DNM2: variants seen among roughly 807,000 people sequenced by gnomAD.
The protein encoded by DNM2 is dynamin-2.
Under a neutral mutation model 99.0 loss-of-function variants are expected in DNM2, and 15 were observed. The observed-to-expected ratio is 0.15, with a 90% CI of 0.10 to 0.23. DNM2 has a LOEUF of 0.23. Among genes scored for constraint, DNM2 ranks in the 10% least tolerant of loss-of-function variants. The probability of loss-of-function intolerance (pLI) is 1.00; values close to 1 mark genes in which losing one functional copy is unlikely to be tolerated. For synonymous variants in DNM2, 525 were observed against 481.2 expected, an observed-to-expected ratio of 1.09 and a Z score of -1.19; for missense variants, 742 against 1,189.4, an observed-to-expected ratio of 0.62 and a Z score of 5.53.
intron 5 of DNM2, among the ~76,000 whole-genome samples, chr19:10,782,513 C>A (rs1237707191): frequency 6.6e-6 from 1 of 152,104 alleles, no homozygotes; most frequent in Non-Finnish European, 1.5e-5. Context: ...CACGCGCCAC[C>A]ATGCACGGCT....
At chr19:10,778,011 T>C (rs1320515172) in intron 5 of DNM2, among the ~76,000 whole-genome samples, 2 of 140,366 alleles carry the variant, frequency 1.4e-5, no homozygotes, top group African/African-American at 5.3e-5. Context: ...GAATATTTTA[T>C]TTTTTCATTT....
rs2072774673 is a variant in DNM2 at position 10,817,193 on chromosome 19, CAA to C, written c.1672-2786_1672-2785del. On this transcript the variant is annotated intron_variant, in intron 15 of 20. Coordinates refer to ENST00000389253, the MANE Select transcript of DNM2 (RefSeq NM_001005361.3). This position sits in a 1 kb window ranked among gnomAD's most constrained non-coding sequence, Gnocchi z 4.6. ...AATATCTCTTTATTTAAAAAATAAA[CAA>C]GACATTTACAGCCATGGGGTGGGGA... 6.6e-6 allele frequency among the ~76,000 whole-genome samples: 1 copy of C among 152,186 alleles called. No individual in the cohort carries two copies. The highest frequency in any genetic ancestry group is 6.5e-5 in the Admixed American group (1 of 15,284).
chr19:10,821,731 A>G lies in DNM2; in HGVS notation c.1781+1642A>G, dbSNP rs148896294. ...TTTTTAGTAGAGACGGGGTTTCTCC[A>G]TATTGGTCAGGCTGGGCTCGAACTC... is the stretch of plus-strand genomic sequence containing the variant. On this transcript the variant is annotated intron_variant, in intron 16 of 20. Coordinates refer to ENST00000389253, the MANE Select transcript of DNM2 (RefSeq NM_001005361.3). 8.4e-3 allele frequency among the ~76,000 whole-genome samples: 1,275 copies of G among 152,190 alleles called. 11 individuals are homozygous for G. Among genetic ancestry groups the G allele is most frequent in the African/African-American group, 0.029 (1,225 of 41,532 alleles).
rs2071931947 is a variant in DNM2 at position 10,796,322 on chromosome 19, T to C, written c.1196+883T>C. On this transcript the variant is annotated intron_variant, in intron 9 of 20. Coordinates refer to ENST00000389253, the MANE Select transcript of DNM2 (RefSeq NM_001005361.3). This position sits in a 1 kb window ranked among gnomAD's most constrained non-coding sequence, Gnocchi z 5.6. ...CCTTTTCTCCCCATATCGCTTTGTG[T>C]CCGTGAACTTGGCCTCTCCCCAGAG... 2 of 1,465,326 alleles carry C rather than the reference T, an allele frequency of 1.4e-6. No homozygotes were observed. The highest frequency in any genetic ancestry group is 1.9e-6 in the Non-Finnish European group (2 of 1,059,400). 90.8% of individuals were successfully genotyped at this position (1,465,326 alleles called of 1,614,324 possible). A position where few individuals can be genotyped will look rare whatever the true frequency, so the allele number is the denominator to read the frequency against.
At position 10,795,914 on chromosome 19, in the gene DNM2, T is replaced by C. The variant is rs564776623; in HGVS notation, c.1196+475T>C. The C allele has an allele frequency of 2.9e-6, 4 of 1,367,054 alleles. No individual in the cohort carries two copies. In the African/African-American group the frequency reaches 4.3e-5, roughly 15 times the overall value. 84.7% of individuals were successfully genotyped at this position (1,367,054 alleles called of 1,614,324 possible). A position where few individuals can be genotyped will look rare whatever the true frequency, so the allele number is the denominator to read the frequency against. The stretch of plus-strand genomic sequence containing the variant: ...GGGTCCTCGGGTCACCCTGAGGGTT[T>C]CCGGGCAGTGGACTCAGGCATCCGA... On this transcript the variant is annotated intron_variant, in intron 9 of 20. Coordinates refer to ENST00000389253, the MANE Select transcript of DNM2 (RefSeq NM_001005361.3). This position sits in a 1 kb window ranked among gnomAD's most constrained non-coding sequence, Gnocchi z 4.2.
intron 14 of DNM2, chr19:10,810,863 A>G (rs2072519078): frequency 6.5e-6 from 1 of 152,860 alleles, no homozygotes; most frequent in Non-Finnish European, 1.5e-5. Flanking sequence ...GAATGGAGGC[A>G]TTCCCAGACT....
chr19:10,759,435 G>T (rs2070540195), intron 1 of DNM2, among the ~76,000 whole-genome samples: 1 of 151,758 alleles, frequency 6.6e-6, no homozygotes, highest in South Asian at 2.1e-4. Flanking sequence ...TGATCTCCTG[G>T]GTATGGGGGA....
chr19:10,829,160 C>T lies in DNM2; in HGVS notation c.2183C>T (p.Ala728Val), dbSNP rs2073249015. Residue 728 changes from alanine (A) to valine (V), a missense_variant, in exon 19 of 21, where the codon GCC (alanine) becomes GTC (valine). Coordinates refer to ENST00000389253, the MANE Select transcript of DNM2 (RefSeq NM_001005361.3). ...RRDDMLRMYH[A>V]LKEALNIIGD... ...GACGACATGCTGCGCATGTACCATG[C>T]CCTCAAGGAGGCGCTCAACATCATC... The T allele has an allele frequency of 6.2e-7, 1 of 1,614,030 alleles. No individual in the cohort carries two copies. The highest frequency in any genetic ancestry group is 1.3e-5 in the African/African-American group (1 of 75,060).
At chr19:10,776,488 A>G (rs2071159255) in intron 4 of DNM2, among the ~76,000 whole-genome samples, 1 of 152,112 alleles carries the variant, frequency 6.6e-6, no homozygotes, top group East Asian at 1.9e-4. Flanking sequence ...CCCACCAGAG[A>G]TCTTCACTCT....
intron 1 of DNM2, among the ~76,000 whole-genome samples, chr19:10,748,929 T>C: frequency 6.6e-6 from 1 of 152,182 alleles, no homozygotes; most frequent in Non-Finnish European, 1.5e-5. Context: ...CCCTGGAGTG[T>C]GGGCTCCTGC....
chr19:10,749,217 G>T (rs2070106564), intron 1 of DNM2, among the ~76,000 whole-genome samples: 1 of 152,188 alleles, frequency 6.6e-6, no homozygotes, highest in East Asian at 1.9e-4. Context: ...GTTTGAGCCT[G>T]CATCGTTCCT....
chr19:10,783,181 C>A (rs1162172706), intron 6 of DNM2, 61 bp downstream of exon 6: 4 of 1,593,050 alleles, frequency 2.5e-6, no homozygotes, highest in Non-Finnish European at 3.4e-6. Flanking sequence ...ACAACAGCTG[C>A]AATCCTCACT....
intron 1 of DNM2, among the ~76,000 whole-genome samples, chr19:10,756,163 C>T (rs1305444755): frequency 6.6e-6 from 1 of 152,118 alleles, no homozygotes; most frequent in African/African-American, 2.4e-5. Context: ...TAAGAGGTGA[C>T]TTTGGGGTCT....
Position 10,823,910 on chromosome 19 carries a change from G to A in DNM2, c.1893+11G>A, listed in dbSNP as rs763530224. On this transcript the variant is annotated intron_variant, in intron 17 of 20. Transcript: ENST00000389253. The stretch of plus-strand genomic sequence containing the variant: ...CCCGAGAAGGACCAGGTGAGGAGCC[G>A]TCCTGCGCAGCCAGGCCCAGAGCCC... 20 of 1,612,212 alleles carry A rather than the reference G, an allele frequency of 1.2e-5. No homozygotes were observed. Among genetic ancestry groups the A allele is most frequent in the Admixed American group, 5.0e-5 (3 of 59,908 alleles).
chr19:10,822,179 T>C (rs1183321115), intron 16 of DNM2, among the ~76,000 whole-genome samples: 1 of 151,848 alleles, frequency 6.6e-6, no homozygotes, highest in Non-Finnish European at 1.5e-5. Flanking sequence ...TTTTTTCTTT[T>C]TCTTTTTCTT....
chr19:10,753,427 C>T (rs2070273070), intron 1 of DNM2, among the ~76,000 whole-genome samples: 1 of 122,512 alleles, frequency 8.2e-6, no homozygotes, highest in African/African-American at 3.0e-5. Context: ...ACTTCCCTTT[C>T]CCCTTCCCCC....
chr19:10,750,792 G>T (rs1036023406), intron 1 of DNM2, among the ~76,000 whole-genome samples: 2 of 152,104 alleles, frequency 1.3e-5, no homozygotes, highest in East Asian at 3.9e-4. Flanking sequence ...AATTAGCCGG[G>T]TGTGGTGCTG....
In DNM2 at chr19:10,797,374, A is replaced by T. The variant is rs772155439; in HGVS notation, c.1197-6A>T. 6 of 1,612,166 alleles carry T rather than the reference A, an allele frequency of 3.7e-6. No individual in the cohort carries two copies. Among genetic ancestry groups the T allele is most frequent in the Admixed American group, 1.7e-5 (1 of 59,970 alleles). ...TCTGCCTCATCCTGCCCTCCGCATG[A>T]CCCAGGACGGGGCTCTTCACCCCCG... is the stretch of plus-strand genomic sequence containing the variant. On this transcript the variant is annotated splice_region_variant and splice_polypyrimidine_tract_variant and intron_variant, in intron 9 of 20. Transcript: ENST00000389253.
At chr19:10,763,893 G>A (rs2070714911) in intron 2 of DNM2, among the ~76,000 whole-genome samples, 1 of 152,188 alleles carries the variant, frequency 6.6e-6, no homozygotes, top group Non-Finnish European at 1.5e-5. Context: ...CAGAGAGGCT[G>A]GCATGGCGCC....
Sources: gnomAD v4.1 joint callset for allele counts (sites outside exome capture counted in the v4.1 genomes callset) on GRCh38, gnomAD v4.1.1 for gene constraint, Gnocchi (gnomAD v3.1) non-coding constraint, MANE v1.5 for transcripts, NCBI Gene and HGNC (gene_info 2026-07-23, HGNC 2026-07-21) for gene names.